NFKBIB: variants seen among roughly 807,000 people sequenced by gnomAD.
NFKBIB encodes the protein NF-kappa-B inhibitor beta.
Under a neutral mutation model 32.1 loss-of-function variants are expected in NFKBIB, and 16 were observed. The observed-to-expected ratio is 0.50, with a 90% CI of 0.34 to 0.76. The LOEUF (loss-of-function observed/expected upper bound fraction) is 0.76. Ranked by LOEUF, NFKBIB falls within the 30% of genes least tolerant of loss-of-function variation. The probability of loss-of-function intolerance (pLI) is 0.01; values close to 1 mark genes in which losing one functional copy is unlikely to be tolerated. For synonymous variants in NFKBIB, 222 were observed against 219.5 expected (o/e 1.01, Z -0.10); for missense variants, 437 against 514.9 (o/e 0.85, Z 1.46).
rs1974172649 is a variant in NFKBIB at position 38,907,475 on chromosome 19, G to A, written c.785G>A (p.Arg262Lys). ...GCCGATGTGCTGGAGCTTCTCCTGA[G>A]GGCAGGCGCGAACCCTGCTGCCCGC... Reference protein sequence around the residue: ...QAADVLELLLRAGANPAARMY... With the variant: ...QAADVLELLLKAGANPAARMY... Residue 262 changes from arginine to lysine, a missense_variant, in exon 5 of 6, where the codon AGG (arginine) becomes AAG (lysine). Physicochemically the swap from Arg to Lys is conservative, Grantham distance 26 (BLOSUM62 2). Transcript: ENST00000313582. The A allele has an allele frequency of 6.2e-7, 1 of 1,611,556 alleles. No homozygotes were observed.
At chr19:38,899,922 T>C, upstream of NFKBIB, 1 of 1,129,028 alleles carries the variant, frequency 8.9e-7, no homozygotes, top group Non-Finnish European at 1.2e-6. Context: ...TATCATTGGG[T>C]GAATCAGGGG....
chr19:38,903,671 A>G (rs1336230567), intron 1 of NFKBIB, among the ~76,000 whole-genome samples: 1 of 152,120 alleles, frequency 6.6e-6, no homozygotes, highest in African/African-American at 2.4e-5. Flanking sequence ...GATGGTTCCT[A>G]TTATGGATCA....
intron 5 of NFKBIB, chr19:38,908,339 G>T: frequency 2.2e-6 from 2 of 906,926 alleles, no homozygotes; most frequent in Non-Finnish European, 2.7e-6. Context: ...AGGAGTTCGA[G>T]ACCAGCCTGG....
intron 3 of NFKBIB, among the ~76,000 whole-genome samples, chr19:38,906,984 T>C (rs1415545132): frequency 6.6e-6 from 1 of 152,198 alleles, no homozygotes; most frequent in Non-Finnish European, 1.5e-5. Context: ...GACCCCAGGC[T>C]GTTTACCCGC....
At position 38,905,517 on chromosome 19, in the gene NFKBIB, G is replaced by A. The variant is rs1474409557; in HGVS notation, c.601G>A (p.Glu201Lys). The change falls in exon 3 of 6, where the codon GAG (glutamate) becomes AAG (lysine). Residue 201 changes from glutamate (E) to lysine (K), a missense_variant. Glu to Lys is a moderately conservative substitution (Grantham distance 56). Transcript: ENST00000313582. The surrounding 1 kb of genome is among the most constrained non-coding windows in gnomAD (Gnocchi z 5.5). ...ESEEDWKLQL[E>K]AENYEGHTPL... ...TGAGGAGGACTGGAAGCTGCAGCTG[G>A]AGGCTGAAAACTACGAGGGTGAGGG... 3.1e-6 allele frequency: 5 copies of A among 1,609,868 alleles called. No individual in the cohort carries two copies. Among genetic ancestry groups the A allele is most frequent in the Non-Finnish European group, 3.4e-6 (4 of 1,177,800 alleles).
At chr19:38,901,114 T>C (rs1973943869) in intron 1 of NFKBIB, among the ~76,000 whole-genome samples, 1 of 152,174 alleles carries the variant, frequency 6.6e-6, no homozygotes, top group Admixed American at 6.5e-5. Flanking sequence ...GATGAGGGAT[T>C]GTACTGGGTT....
chr19:38,905,345 C>T lies in NFKBIB; in HGVS notation c.429C>T (p.Ala143=). ...LACRVGAHAC[A]RALLQPRPRR... ...GCCGTGTGGGGGCACACGCCTGTGC[C>T]CGTGCCCTGCTTCAGCCCCGCCCCC... Residue 143 remains alanine (A), a synonymous_variant, in exon 3 of 6, where the codon GCC becomes GCT. Coordinates refer to ENST00000313582, the MANE Select transcript of NFKBIB (RefSeq NM_002503.5). The surrounding 1 kb of genome is among the most constrained non-coding windows in gnomAD (Gnocchi z 5.5). The T allele has an allele frequency of 2.5e-6, 4 of 1,611,488 alleles. No homozygotes were observed. Among genetic ancestry groups the T allele is most frequent in the East Asian group, 2.2e-5 (1 of 44,872 alleles).
In NFKBIB at chr19:38,900,103, T is replaced by C; in HGVS notation, c.71T>C (p.Leu24Pro). The change falls in exon 1 of 6, where the codon CTG becomes CCG. Residue 24 changes from leucine (L) to proline (P), a missense_variant. By Grantham distance (98) the Leu-to-Pro change is moderately conservative (BLOSUM62 -3). Coordinates refer to ENST00000313582, the MANE Select transcript of NFKBIB (RefSeq NM_002503.5). ...DEWCDSGLGS[L>P]GPDAAAPGGP... ...TGGTGCGACAGCGGCCTGGGCTCCC[T>C]GGGTCCGGACGCAGCGGCCCCCGGA... is the stretch of plus-strand genomic sequence containing the variant. 1 of 1,569,576 alleles carries C rather than the reference T, an allele frequency of 6.4e-7. No individual in the cohort carries two copies. Among genetic ancestry groups the C allele is most frequent in the Non-Finnish European group, 8.6e-7 (1 of 1,162,702 alleles).
rs939419058 is a variant in NFKBIB at position 38,907,512 on chromosome 19, C to T, written c.822C>T (p.Gly274=). The change falls in exon 5 of 6, where the codon GGC becomes GGT. Residue 274 remains glycine (G), a synonymous_variant. Coordinates refer to ENST00000313582, the MANE Select transcript of NFKBIB (RefSeq NM_002503.5). ...GANPAARMYG[G]RTPLGSAMLR... ...ACCCTGCTGCCCGCATGTACGGTGG[C>T]CGCACCCCACTCGGCAGTGCCATGC... is the stretch of plus-strand genomic sequence containing the variant. 22 of 1,612,504 alleles carry T rather than the reference C, an allele frequency of 1.4e-5. No individual in the cohort carries two copies. The East Asian group carries it at 4.7e-4, about 34-fold the overall frequency.
rs1974087372 is a variant in NFKBIB, at chr19:38,905,396, C to T, written c.480C>T (p.Thr160=). 6.2e-7 allele frequency: 1 copy of T among 1,613,702 alleles called. No homozygotes were observed. Among genetic ancestry groups the T allele is most frequent in the African/African-American group, 1.3e-5 (1 of 75,050 alleles). ...GGCGCCCCAGGGAAGCCCCCGACACCTACCTCGCTCAGGGCCCTGACCGTA... is the reference window on the plus strand; with the variant it reads ...GGCGCCCCAGGGAAGCCCCCGACACTTACCTCGCTCAGGGCCCTGACCGTA... The part of the protein sequence containing the change: ...RPRRPREAPD[T]YLAQGPDRTP... Residue 160 remains threonine, a synonymous_variant, in exon 3 of 6, where the codon ACC becomes ACT. Coordinates refer to ENST00000313582, the MANE Select transcript of NFKBIB (RefSeq NM_002503.5). The surrounding 1 kb of genome is among the most constrained non-coding windows in gnomAD (Gnocchi z 5.5).
Position 38,907,054 on chromosome 19 carries a change from A to T in NFKBIB, c.620-167A>T, listed in dbSNP as rs144315689. On this transcript the variant is annotated intron_variant, in intron 3 of 5. Transcript: ENST00000313582. ...CTTGCCAGCAAGCTCAGGCCATCTGAGATAGGCATTTGGTACCCAGGTACC... is the reference window on the plus strand; with the variant it reads ...CTTGCCAGCAAGCTCAGGCCATCTGTGATAGGCATTTGGTACCCAGGTACC... Among the ~76,000 whole-genome samples the T allele has an allele frequency of 4.1e-3, 631 of 152,344 alleles. 5 individuals are homozygous for T. Among genetic ancestry groups the T allele is most frequent in the African/African-American group, 0.015 (604 of 41,590 alleles).
chr19:38,900,715 G>T (rs1973924816), intron 1 of NFKBIB, among the ~76,000 whole-genome samples: 1 of 151,924 alleles, frequency 6.6e-6, no homozygotes, highest in Admixed American at 6.6e-5. Flanking sequence ...AAAAAAATAG[G>T]AAAATTAAAA....
chr19:38,899,881 AC>A (rs1973882215), upstream of NFKBIB: 1 of 811,032 alleles, frequency 1.2e-6, no homozygotes, highest in African/African-American at 1.7e-5. Flanking sequence ...AGGATGCAGT[AC>A]GAGGGCGGGG....
chr19:38,907,681 G>T, intron 5 of NFKBIB, 22 bp downstream of exon 5: 1 of 1,580,972 alleles, frequency 6.3e-7, no homozygotes, highest in Non-Finnish European at 8.6e-7. Flanking sequence ...GGAGAGACAG[G>T]GCAGCCCAGC....
At position 38,905,049 on chromosome 19, in the gene NFKBIB, C is replaced by T. The variant is rs1974071644; in HGVS notation, c.214C>T (p.Pro72Ser). The T allele has an allele frequency of 1.2e-6, 2 of 1,614,166 alleles. No individual in the cohort carries two copies. The highest frequency in any genetic ancestry group is 4.5e-5 in the East Asian group (2 of 44,882). Residue 72 changes from proline (P) to serine (S), a missense_variant, in exon 2 of 6, where the codon CCC becomes TCC. Physicochemically the swap from Pro to Ser is moderately conservative, Grantham distance 74 (BLOSUM62 -1). Transcript: ENST00000313582. The surrounding 1 kb of genome is among the most constrained non-coding windows in gnomAD (Gnocchi z 5.5). ...CTTGGCTGTGATTCATCAGCATGAA[C>T]CCTTCCTGGATTTTCTTCTAGGCTT... The part of the protein sequence containing the change: ...LHLAVIHQHE[P>S]FLDFLLGFSA...
In NFKBIB at chr19:38,907,605, C is replaced by T. The variant is rs35941401; in HGVS notation, c.915C>T (p.Asp305=). 4,494 of 1,611,644 alleles carry T rather than the reference C, an allele frequency of 2.8e-3. 110 individuals are homozygous for T. The African/African-American group carries it at 0.052, about 19-fold the overall frequency. Residue 305 remains aspartate, a synonymous_variant, in exon 5 of 6, where the codon GAC becomes GAT. Coordinates refer to ENST00000313582, the MANE Select transcript of NFKBIB (RefSeq NM_002503.5). ...AHGAPEPEGE[D]EKSGPCSSSS... ...GAGCCCCTGAGCCCGAGGGCGAGGA[C>T]GAGAAATCCGGCCCCTGCAGCAGCA...
chr19:38,908,554 A>AAG (rs2052361747), intron 5 of NFKBIB, 177 bp from the exon 6 acceptor site: 13 of 1,314,938 alleles, frequency 9.9e-6, no homozygotes, highest in East Asian at 3.1e-5. Flanking sequence ...AAAAAAAAAA[A>AAG]AAAAGAAAGA....
intron 1 of NFKBIB, among the ~76,000 whole-genome samples, chr19:38,903,535 G>A (rs998046095): frequency 2.0e-5 from 3 of 152,062 alleles, no homozygotes; most frequent in African/African-American, 4.8e-5. Context: ...TGATCTGCCC[G>A]CCTTGGCCTC....
chr19:38,907,113 C>G (rs1974152425), intron 3 of NFKBIB, 108 bp from the exon 4 acceptor site: 1 of 1,025,726 alleles, frequency 9.7e-7, no homozygotes, highest in Non-Finnish European at 1.4e-6. Flanking sequence ...GGAACCAGCC[C>G]CCAAACCTAA....
Sources: gnomAD v4.1 joint callset for allele counts (sites outside exome capture counted in the v4.1 genomes callset) on GRCh38, gnomAD v4.1.1 for gene constraint, Gnocchi (gnomAD v3.1) non-coding constraint, MANE v1.5 for transcripts, NCBI Gene and HGNC (gene_info 2026-07-23, HGNC 2026-07-21) for gene names.